The following DDAH1 variants were observed in gnomAD, a reference collection of about 807,000 sequenced individuals.
DDAH1 encodes N(G),N(G)-dimethylarginine dimethylaminohydrolase 1.
In DDAH1, 19 loss-of-function variants were observed where a neutral mutation model predicts 28.8. The observed-to-expected ratio is 0.66, with a 90% confidence interval of 0.46 to 0.97. DDAH1 has a LOEUF of 0.97. DDAH1 is among the 50% of genes least tolerant of loss of function. The probability of loss-of-function intolerance (pLI) is 0.00; values close to 1 mark genes in which losing one functional copy is unlikely to be tolerated. For missense variants in DDAH1, 326 were observed against 375.9 expected (o/e 0.87, Z 1.10); for synonymous variants, 153 against 154.4 (o/e 0.99, Z 0.07).
At chr1:85,510,934 A>G (rs947226705) in intron 1 of DDAH1, among the ~76,000 whole-genome samples, 2 of 152,240 alleles carry the variant, frequency 1.3e-5, no homozygotes, top group Admixed American at 1.3e-4. Flanking sequence ...AATATTAGAC[A>G]GATCAAAGAG....
chr1:85,324,928 A>C, intron 4 of DDAH1, 45 bp from the exon 5 acceptor site: 1 of 1,603,764 alleles, frequency 6.2e-7, no homozygotes, highest in Non-Finnish European at 8.5e-7. Flanking sequence ...AACTCCCCAC[A>C]CTTTCAAACA....
At chr1:85,504,961 C>CTTTTTTTTT (rs61209793) in intron 1 of DDAH1, among the ~76,000 whole-genome samples, 1 of 60,778 alleles carries the variant, frequency 1.6e-5, no homozygotes, top group African/African-American at 7.2e-5. Flanking sequence ...CTCAATGATT[C>CTTTTTTTTT]TTTTTTTTTT....
chr1:85,549,323 C>T (rs936344033), intron 1 of DDAH1, among the ~76,000 whole-genome samples: 1 of 152,230 alleles, frequency 6.6e-6, no homozygotes, highest in South Asian at 2.1e-4. Flanking sequence ...TTACCATCCT[C>T]AGAACCACCT....
At position 85,351,817 on chromosome 1, in the gene DDAH1, A is replaced by G. The variant is rs111461209; in HGVS notation, c.404-238T>C. ...TTCCAGGAGCCATGGGGAAGGGTAA[A>G]TGGGGAGTTATTGTTTAATGGATAG... On this transcript the variant is annotated intron_variant, in intron 2 of 5. Transcript: ENST00000284031. Among the ~76,000 whole-genome samples, 234 of 152,288 alleles carry G rather than the reference A, an allele frequency of 1.5e-3. 3 individuals carry two copies. Among genetic ancestry groups the G allele is most frequent in the Middle Eastern group, 0.01 (3 of 294 alleles).
chr1:85,323,827 A>G (rs1661451537), intron 5 of DDAH1, among the ~76,000 whole-genome samples: 1 of 152,054 alleles, frequency 6.6e-6, no homozygotes, highest in African/African-American at 2.4e-5. Flanking sequence ...AAAATTAGCC[A>G]GGTATAATGG....
At chr1:85,402,161 A>ATTT (rs11365834) in intron 1 of DDAH1, among the ~76,000 whole-genome samples, 5 of 120,414 alleles carry the variant, frequency 4.2e-5, no homozygotes, top group Admixed American at 1.8e-4. Flanking sequence ...TAATACTTCT[A>ATTT]TTTTTTTTTT....
chr1:85,495,358 T>C (rs1656551488), intron 2 of DDAH1: 1 of 152,188 alleles, frequency 6.6e-6, no homozygotes. Context: ...GAGGTCTTCA[T>C]GCACTGAAGT....
chr1:85,368,623 G>A (rs753563969), intron 1 of DDAH1, among the ~76,000 whole-genome samples: 39 of 152,240 alleles, frequency 2.6e-4, no homozygotes, highest in Non-Finnish European at 3.1e-4. Context: ...AGCCACTGAC[G>A]TTCTGTCTGC....
At chr1:85,547,422 A>T (rs1658659556) in intron 1 of DDAH1, among the ~76,000 whole-genome samples, 1 of 152,164 alleles carries the variant, frequency 6.6e-6, no homozygotes, top group Non-Finnish European at 1.5e-5. Context: ...AAGTCTGGAA[A>T]TGTAAATTAG....
intron 1 of DDAH1, among the ~76,000 whole-genome samples, chr1:85,522,867 C>T (rs541540240): frequency 1.3e-3 from 192 of 151,368 alleles, no homozygotes; most frequent in African/African-American, 3.5e-3. Flanking sequence ...GTGGTATGGA[C>T]ATGCAAACAA....
chr1:85,558,100 C>G (rs1225851441), intron 1 of DDAH1, among the ~76,000 whole-genome samples: 2 of 150,004 alleles, frequency 1.3e-5, no homozygotes, highest in African/African-American at 4.9e-5. Flanking sequence ...GGTGCAGTGG[C>G]TCATGCCTGT....
At chr1:85,495,908 AAAG>A (rs1478039788) in intron 2 of DDAH1, 1 of 152,242 alleles carries the variant, frequency 6.6e-6, no homozygotes, top group Non-Finnish European at 1.5e-5. Flanking sequence ...CTTCTGGCTT[AAAG>A]AATAAAGGAA....
intron 1 of DDAH1, among the ~76,000 whole-genome samples, chr1:85,417,492 C>T (rs1395119641): frequency 6.6e-6 from 1 of 152,194 alleles, no homozygotes; most frequent in Admixed American, 6.5e-5. Context: ...GCAGGTTCTT[C>T]ACCACTCTTA....
chr1:85,401,973 G>A (rs1044622417), intron 1 of DDAH1, among the ~76,000 whole-genome samples: 1 of 152,004 alleles, frequency 6.6e-6, no homozygotes, highest in Admixed American at 6.6e-5. Context: ...TGAAGGCAAT[G>A]TATTTTATTT....
intron 1 of DDAH1, among the ~76,000 whole-genome samples, chr1:85,537,809 A>C (rs1169359406): frequency 6.6e-6 from 1 of 151,412 alleles, no homozygotes; most frequent in Non-Finnish European, 1.5e-5. Flanking sequence ...AATTGTTCTC[A>C]TTTACAAGTA....
intron 4 of DDAH1, among the ~76,000 whole-genome samples, chr1:85,332,175 C>T (rs751061284): frequency 2.0e-5 from 3 of 152,194 alleles, no homozygotes; most frequent in Non-Finnish European, 4.4e-5. Flanking sequence ...AAGCCCATTT[C>T]CCACCAGACT....
At chr1:85,323,368 G>A (rs561741508) in intron 5 of DDAH1, among the ~76,000 whole-genome samples, 1 of 152,288 alleles carries the variant, frequency 6.6e-6, no homozygotes, top group African/African-American at 2.4e-5. Context: ...CTATGGACGA[G>A]CACTGTTATG....
chr1:85,370,774 A>G (rs531833930), intron 1 of DDAH1, among the ~76,000 whole-genome samples: 1 of 152,252 alleles, frequency 6.6e-6, no homozygotes, highest in East Asian at 1.9e-4. Context: ...TTGAGTGGAT[A>G]GGTGTACTGA....
intron 1 of DDAH1, among the ~76,000 whole-genome samples, chr1:85,431,660 T>C (rs1052577792): frequency 1.3e-5 from 2 of 151,362 alleles, no homozygotes; most frequent in Non-Finnish European, 2.9e-5. Context: ...TCCACATGCC[T>C]TCCCTTGTGC....
Sources: gnomAD v4.1 joint callset for allele counts (sites outside exome capture counted in the v4.1 genomes callset) on GRCh38, gnomAD v4.1.1 for gene constraint, MANE v1.5 for transcripts, NCBI Gene and HGNC (gene_info 2026-07-23, HGNC 2026-07-21) for gene names.